Variants in TOP6BL observed in about 807,000 individuals in gnomAD.
TOP6BL encodes type 2 DNA topoisomerase 6 subunit B-like.
the TOP6BL span, chr11:66,822,681 A>G: frequency 1.3e-6 from 2 of 1,527,400 alleles, no homozygotes; most frequent in Non-Finnish European, 1.8e-6. Context: ...TCAAGTTAGT[A>G]GGAGATTGGG....
At chr11:66,788,185 C>G in the TOP6BL span, 2 of 1,613,642 alleles carry the variant, frequency 1.2e-6, no homozygotes, top group African/African-American at 2.7e-5. Context: ...TGCCCGGAAT[C>G]TCTGCAAAGC....
the TOP6BL span, among the ~76,000 whole-genome samples, chr11:66,746,728 TAGC>T: frequency 1.0e-4 from 15 of 150,086 alleles, no homozygotes; most frequent in Non-Finnish European, 2.1e-4. Flanking sequence ...AAAAAAAAAT[TAGC>T]AGGGTGTGGT....
the TOP6BL span, chr11:66,804,325 G>A: frequency 7.0e-6 from 6 of 856,616 alleles, no homozygotes; most frequent in Non-Finnish European, 1.0e-5. Flanking sequence ...ATAATCTAAT[G>A]TGAAAGCCAA....
At chr11:66,812,940 A>G in the TOP6BL span, among the ~76,000 whole-genome samples, 1 of 152,306 alleles carries the variant, frequency 6.6e-6, no homozygotes, top group East Asian at 1.9e-4. Context: ...AAGTGTCACT[A>G]GTGCAGAGGT....
At chr11:66,804,928 A>G in the TOP6BL span, among the ~76,000 whole-genome samples, 3 of 152,102 alleles carry the variant, frequency 2.0e-5, no homozygotes, top group Admixed American at 6.6e-5. Flanking sequence ...TTAGCTGGGC[A>G]TGGTGGCAGG....
the TOP6BL span, chr11:66,744,849 G>A: frequency 7.6e-7 from 1 of 1,308,228 alleles, no homozygotes; most frequent in Non-Finnish European, 9.7e-7. Context: ...GCGGCGGGCG[G>A]GTACCCTTCG....
chr11:66,843,348 CGTCGGGCCCG>C, the TOP6BL span: 1 of 1,455,750 alleles, frequency 6.9e-7, no homozygotes, highest in Non-Finnish European at 9.1e-7. Context: ...TCTGCTTCCG[CGTCGGGCCCG>C]GGCGGGGCGG....
the TOP6BL span, among the ~76,000 whole-genome samples, chr11:66,766,726 C>T: frequency 6.6e-6 from 1 of 152,214 alleles, no homozygotes; most frequent in Non-Finnish European, 1.5e-5. Context: ...CTAACATTAA[C>T]TATGCTGATG....
chr11:66,828,975 GTT>G, the TOP6BL span, among the ~76,000 whole-genome samples: 4 of 120,400 alleles, frequency 3.3e-5, no homozygotes, highest in Non-Finnish European at 6.7e-5. Flanking sequence ...TGTGTTTTTT[GTT>G]TTTTTTTTTT....
At chr11:66,839,014 A>G in the TOP6BL span, 1 of 408,032 alleles carries the variant, frequency 2.5e-6, no homozygotes, top group Non-Finnish European at 5.0e-6. Flanking sequence ...TACAGGCGTG[A>G]GCCACCGCGC....
At chr11:66,817,744 T>C in the TOP6BL span, among the ~76,000 whole-genome samples, 14 of 152,086 alleles carry the variant, frequency 9.2e-5, no homozygotes, top group African/African-American at 3.1e-4. Context: ...GCCATTATTA[T>C]TATTATTGTA....
the TOP6BL span, among the ~76,000 whole-genome samples, chr11:66,795,199 A>G: frequency 6.6e-6 from 1 of 152,150 alleles, no homozygotes; most frequent in South Asian, 2.1e-4. Context: ...GATTATTGTG[A>G]GGTAGTATAT....
At chr11:66,795,458 C>T in the TOP6BL span, among the ~76,000 whole-genome samples, 3 of 151,880 alleles carry the variant, frequency 2.0e-5, no homozygotes, top group African/African-American at 7.3e-5. Context: ...CATGCCACCA[C>T]ACCTGGCTAA....
chr11:66,837,379 G>A, the TOP6BL span, among the ~76,000 whole-genome samples: 6 of 150,620 alleles, frequency 4.0e-5, no homozygotes, highest in Non-Finnish European at 7.4e-5. Context: ...CGCCTGCCTC[G>A]GCCTCCCAAA....
At chr11:66,793,427 T>C in the TOP6BL span, among the ~76,000 whole-genome samples, 11 of 148,824 alleles carry the variant, frequency 7.4e-5, no homozygotes, top group Non-Finnish European at 7.4e-5. Context: ...CTTTTTCAAA[T>C]AATTTTTTCT....
the TOP6BL span, among the ~76,000 whole-genome samples, chr11:66,803,437 A>G: frequency 2.0e-5 from 3 of 151,956 alleles, no homozygotes; most frequent in African/African-American, 7.2e-5. Context: ...AATAATAGTA[A>G]TTATTTTTCG....
At chr11:66,839,922 C>G in the TOP6BL span, among the ~76,000 whole-genome samples, 1 of 152,178 alleles carries the variant, frequency 6.6e-6, no homozygotes, top group Non-Finnish European at 1.5e-5. Flanking sequence ...TGGATCCTAA[C>G]AAACTAGAGG....
the TOP6BL span, among the ~76,000 whole-genome samples, chr11:66,784,482 C>A: frequency 6.6e-6 from 1 of 152,216 alleles, no homozygotes; most frequent in East Asian, 1.9e-4. Flanking sequence ...TTATCACTAT[C>A]CAATTCCAGT....
the TOP6BL span, among the ~76,000 whole-genome samples, chr11:66,784,664 T>C: frequency 1.3e-5 from 2 of 152,240 alleles, no homozygotes; most frequent in Non-Finnish European, 2.9e-5. Flanking sequence ...GTGTGGGTTC[T>C]TTAAGCATTA....
Sources: gnomAD v4.1 joint callset for allele counts (sites outside exome capture counted in the v4.1 genomes callset) on GRCh38, gnomAD v4.1.1 for gene constraint, MANE v1.5 for transcripts, NCBI Gene and HGNC (gene_info 2026-07-23, HGNC 2026-07-21) for gene names.